CADM2: variants seen among roughly 807,000 people sequenced by gnomAD.
The protein encoded by CADM2 is immunoglobulin superfamily member 4D.
A neutral mutation model predicts 49.8 loss-of-function variants in CADM2; 12 were observed. The ratio of observed to expected loss-of-function variants is 0.24; its 90% CI spans 0.15 to 0.39. The LOEUF is 0.39. Among genes scored for constraint, CADM2 ranks in the 10% least tolerant of loss-of-function variants. The pLI, the probability that CADM2 is intolerant of heterozygous loss-of-function variation, is 1.00. For missense variants in CADM2, 378 were observed against 492.3 expected (o/e 0.77, Z 2.20); for synonymous variants, 214 against 175.4 (o/e 1.22, Z -1.74).
intron 1 of CADM2, among the ~76,000 whole-genome samples, chr3:85,121,194 T>C (rs898297748): frequency 1.3e-5 from 2 of 152,196 alleles, no homozygotes; most frequent in African/African-American, 4.8e-5. Context: ...TATCCATTCC[T>C]AATTCTTTCC....
At chr3:85,214,452 T>G (rs1212976761) in intron 1 of CADM2, among the ~76,000 whole-genome samples, 1 of 151,968 alleles carries the variant, frequency 6.6e-6, no homozygotes, top group East Asian at 1.9e-4. Context: ...CTGCCTGTAT[T>G]CCCTTAAGGC....
At chr3:85,001,425 A>G (rs2033457779) in intron 1 of CADM2, among the ~76,000 whole-genome samples, 1 of 152,026 alleles carries the variant, frequency 6.6e-6, no homozygotes, top group Non-Finnish European at 1.5e-5. Context: ...ATATGTATAA[A>G]TGTGTGTATA....
At chr3:85,166,351 A>G (rs1174386113) in intron 1 of CADM2, among the ~76,000 whole-genome samples, 3 of 151,882 alleles carry the variant, frequency 2.0e-5, no homozygotes, top group Admixed American at 6.6e-5. Flanking sequence ...TGGATATAAC[A>G]TGGAAATTTG....
intron 2 of CADM2, among the ~76,000 whole-genome samples, chr3:85,745,586 C>G (rs1386222240): frequency 6.6e-6 from 1 of 152,044 alleles, no homozygotes; most frequent in African/African-American, 2.4e-5. Flanking sequence ...GTTACGTGGG[C>G]TGGGTGTGGT....
intron 1 of CADM2, among the ~76,000 whole-genome samples, chr3:85,528,839 G>GA (rs1175256217): frequency 4.6e-5 from 7 of 152,076 alleles, no homozygotes; most frequent in East Asian, 1.9e-4. Flanking sequence ...TCTTCTCTCA[G>GA]AAAAAATCAA....
intron 1 of CADM2, among the ~76,000 whole-genome samples, chr3:85,370,243 A>AATG (rs1168241527): frequency 6.8e-6 from 1 of 146,866 alleles, no homozygotes; most frequent in Non-Finnish European, 1.5e-5. Flanking sequence ...TAATAATAAT[A>AATG]ATAATAATAA....
rs2037072149 is a variant in CADM2 at position 85,439,193 on chromosome 3, G to A, written c.62-287329G>A. Among the ~76,000 whole-genome samples the A allele has an allele frequency of 6.2e-5, 9 of 144,412 alleles. No homozygotes were observed. In the South Asian group the frequency reaches 1.9e-3, roughly 31 times the overall value. The allele number at this position is 144,412 out of a possible 152,430, so 94.7% of individuals were successfully genotyped here. A position where few individuals can be genotyped will look rare whatever the true frequency, so the allele number is the denominator to read the frequency against. On this transcript the variant is annotated intron_variant, in intron 1 of 9. Transcript: ENST00000383699. Reference sequence around the variant, plus strand: ...TTTTTAACGGAGTTTCACTCTTGTTGCCCAAGCTGGAGTGTAATGGAGCAA... The same window carrying A: ...TTTTTAACGGAGTTTCACTCTTGTTACCCAAGCTGGAGTGTAATGGAGCAA...
intron 1 of CADM2, among the ~76,000 whole-genome samples, chr3:85,203,512 ATAACATCAAAGATCAGTTAT>A (rs772953440): frequency 2.6e-5 from 4 of 152,184 alleles, no homozygotes; most frequent in African/African-American, 4.8e-5. Context: ...AGTTACAATA[ATAACATCAAAGATCAGTTAT>A]TATCATCAAA....
At chr3:85,942,231 C>T (rs982196587) in intron 7 of CADM2, among the ~76,000 whole-genome samples, 104 of 152,026 alleles carry the variant, frequency 6.8e-4, no homozygotes, top group African/African-American at 2.4e-3. Context: ...AAAAAAAATA[C>T]CACCAGGCCT....
chr3:85,240,596 G>A (rs2042509588), intron 1 of CADM2, among the ~76,000 whole-genome samples: 1 of 151,450 alleles, frequency 6.6e-6, no homozygotes, highest in South Asian at 2.1e-4. Flanking sequence ...GTGTGTTGTA[G>A]CAATATCAAT....
chr3:85,494,262 G>T (rs768750203), intron 1 of CADM2, among the ~76,000 whole-genome samples: 1 of 151,986 alleles, frequency 6.6e-6, no homozygotes, highest in African/African-American at 2.4e-5. Context: ...TCAGGGAAAA[G>T]AATCTATAAA....
At chr3:85,829,454 A>G (rs774888760) in intron 3 of CADM2, among the ~76,000 whole-genome samples, 2 of 151,994 alleles carry the variant, frequency 1.3e-5, no homozygotes, top group Admixed American at 6.6e-5. Context: ...GTAGTTAACT[A>G]TGGAAAAAAA....
At chr3:85,147,771 C>G (rs2039798499) in intron 1 of CADM2, among the ~76,000 whole-genome samples, 1 of 152,020 alleles carries the variant, frequency 6.6e-6, no homozygotes, top group African/African-American at 2.4e-5. Flanking sequence ...TCAATTTATG[C>G]TATTTCCATT....
rs181013770 is a variant in CADM2 at position 85,250,092 on chromosome 3, G to A, written c.61+290424G>A. ...AAATTTGAAACATCTGTTGCATATTGTAGTATATTTTAATTAACCATATTT... is the reference window on the plus strand; with the variant it reads ...AAATTTGAAACATCTGTTGCATATTATAGTATATTTTAATTAACCATATTT... On this transcript the variant is annotated intron_variant, in intron 1 of 9. Transcript: ENST00000383699. 2.6e-3 allele frequency among the ~76,000 whole-genome samples: 397 copies of A among 151,806 alleles called. 1 individual carries two copies. Among genetic ancestry groups the A allele is most frequent in the African/African-American group, 8.4e-3 (348 of 41,508 alleles).
At chr3:85,020,016 T>C (rs2034426549) in intron 1 of CADM2, among the ~76,000 whole-genome samples, 1 of 152,172 alleles carries the variant, frequency 6.6e-6, no homozygotes, top group Non-Finnish European at 1.5e-5. Context: ...CTTCATATGA[T>C]ATGAATTCAA....
At chr3:85,081,071 T>C (rs1164323602) in intron 1 of CADM2, among the ~76,000 whole-genome samples, 3 of 152,134 alleles carry the variant, frequency 2.0e-5, no homozygotes, top group Non-Finnish European at 4.4e-5. Context: ...ATTCCAATAA[T>C]CCTAAATTCA....
At chr3:85,712,253 G>C (rs2107739961) in intron 1 of CADM2, among the ~76,000 whole-genome samples, 1 of 152,192 alleles carries the variant, frequency 6.6e-6, no homozygotes, top group Non-Finnish European at 1.5e-5. Flanking sequence ...TAGTTGTACT[G>C]TTCTAGAGAT....
chr3:85,336,744 A>T (rs2045088363), intron 1 of CADM2, among the ~76,000 whole-genome samples: 1 of 150,292 alleles, frequency 6.7e-6, no homozygotes, highest in Non-Finnish European at 1.5e-5. Flanking sequence ...GAGAGTTAAA[A>T]ATAAAAATTT....
intron 1 of CADM2, among the ~76,000 whole-genome samples, chr3:85,546,889 G>C (rs971463009): frequency 2.6e-5 from 4 of 152,052 alleles, no homozygotes; most frequent in Non-Finnish European, 5.9e-5. Context: ...ATATAGCAGA[G>C]AAAAATCTGT....
Sources: allele counts gnomAD v4.1 joint callset (sites outside exome capture counted in the v4.1 genomes callset), GRCh38; gene constraint gnomAD v4.1.1; transcripts MANE v1.5; gene names NCBI Gene and HGNC (gene_info 2026-07-23, HGNC 2026-07-21).